The following PKIG variants were observed in gnomAD, a reference collection of about 807,000 sequenced individuals.
PKIG encodes the protein protein kinase (cAMP-dependent, catalytic) inhibitor gamma.
Under a neutral mutation model 6.8 loss-of-function variants are expected in PKIG, and 1 was observed. That is an observed-to-expected ratio of 0.15 (90% CI 0.05 to 0.69). The LOEUF is 0.69. Among genes scored for constraint, PKIG ranks in the 30% least tolerant of loss-of-function variants. The pLI is 0.82. For missense variants in PKIG, 77 were observed against 104.0 expected, an observed-to-expected ratio of 0.74 and a Z score of 1.13; for synonymous variants, 39 against 43.0, an observed-to-expected ratio of 0.91 and a Z score of 0.36.
At chr20:44,601,905 G>A (rs2065124268) in intron 2 of PKIG, among the ~76,000 whole-genome samples, 2 of 152,236 alleles carry the variant, frequency 1.3e-5, no homozygotes, top group Non-Finnish European at 2.9e-5. Context: ...TCTTGGCAGA[G>A]CCTGGGGCCT....
At chr20:44,578,324 A>G (rs2064917650), upstream of PKIG, among the ~76,000 whole-genome samples, 1 of 135,678 alleles carries the variant, frequency 7.4e-6, no homozygotes, top group African/African-American at 3.0e-5. Context: ...CTGAGACTCC[A>G]TCTCAAAAAA....
chr20:44,560,451 T>G (rs767622539), intron 1 of PKIG, among the ~76,000 whole-genome samples: 1 of 152,200 alleles, frequency 6.6e-6, no homozygotes, highest in Non-Finnish European at 1.5e-5. Context: ...TCCAAGTTTC[T>G]GAGGTATAGA....
At chr20:44,539,397 C>G (rs1381771055) in intron 1 of PKIG, among the ~76,000 whole-genome samples, 1 of 151,764 alleles carries the variant, frequency 6.6e-6, no homozygotes, top group Admixed American at 6.6e-5. Flanking sequence ...TGAGGCCCAA[C>G]ACAAATTTGT....
At chr20:44,574,562 TTTTTTGTTTTTG>T (rs60335742) in intron 1 of PKIG, among the ~76,000 whole-genome samples, 10,593 of 151,492 alleles carry the variant, frequency 0.07, 403 homozygotes, top group South Asian at 0.15. Context: ...TCAGCATGTT[TTTTTTGTTTTTG>T]TTTTTGTTTT....
intron 1 of PKIG, among the ~76,000 whole-genome samples, chr20:44,569,156 C>T (rs988591417): frequency 3.9e-5 from 6 of 152,134 alleles, no homozygotes; most frequent in East Asian, 3.8e-4. Context: ...AATGTTGTAC[C>T]GTTTTCCATT....
intron 2 of PKIG, among the ~76,000 whole-genome samples, chr20:44,605,406 CAAAAAAAAAAA>C (rs34277645): frequency 8.0e-5 from 3 of 37,332 alleles, no homozygotes; most frequent in African/African-American, 3.1e-4. Context: ...GACTCCGTCT[CAAAAAAAAAAA>C]AAAAAAAAAA....
At chr20:44,553,338 T>G (rs149703149) in intron 1 of PKIG, among the ~76,000 whole-genome samples, 4 of 152,288 alleles carry the variant, frequency 2.6e-5, no homozygotes, top group African/African-American at 9.6e-5. Flanking sequence ...CCACTTCTGT[T>G]GGCTGAGAGG....
chr20:44,562,619 AAG>A (rs1430296592), intron 1 of PKIG, among the ~76,000 whole-genome samples: 2 of 151,480 alleles, frequency 1.3e-5, no homozygotes, highest in South Asian at 2.1e-4. Context: ...AAAAAAAAAA[AAG>A]AGTGCTTAAA....
chr20:44,578,811 C>T (rs2064922724), upstream of PKIG, among the ~76,000 whole-genome samples: 1 of 152,148 alleles, frequency 6.6e-6, no homozygotes, highest in Non-Finnish European at 1.5e-5. Flanking sequence ...ATGTGTCAAG[C>T]AGGGATAATA....
intron 1 of PKIG, among the ~76,000 whole-genome samples, chr20:44,575,633 C>T (rs1226412664): frequency 1.3e-5 from 2 of 152,206 alleles, no homozygotes; most frequent in Non-Finnish European, 2.9e-5. Flanking sequence ...TGCTTTAGGG[C>T]ACATGAGCAG....
chr20:44,536,533 G>A (rs2064514055), intron 1 of PKIG, among the ~76,000 whole-genome samples: 2 of 152,196 alleles, frequency 1.3e-5, no homozygotes, highest in African/African-American at 4.8e-5. Context: ...AAGGGAGAGA[G>A]GAGTGGAAGA....
At chr20:44,609,565 C>T (rs933033865) in intron 2 of PKIG, among the ~76,000 whole-genome samples, 2 of 152,204 alleles carry the variant, frequency 1.3e-5, no homozygotes, top group Non-Finnish European at 2.9e-5. Flanking sequence ...TGAAATCCAG[C>T]GAGTGTGCAT....
chr20:44,588,954 T>C (rs1324711680), intron 1 of PKIG, among the ~76,000 whole-genome samples: 1 of 152,216 alleles, frequency 6.6e-6, no homozygotes. Context: ...AAAACAGAAA[T>C]AGATAATGTA....
chr20:44,553,506 A>G (rs1399026230), intron 1 of PKIG, among the ~76,000 whole-genome samples: 1 of 152,162 alleles, frequency 6.6e-6, no homozygotes, highest in Non-Finnish European at 1.5e-5. Flanking sequence ...TGGATTTCAG[A>G]TAACAGAGAG....
At chr20:44,605,362 GCAC>G (rs911973746) in intron 2 of PKIG, among the ~76,000 whole-genome samples, 18 of 134,902 alleles carry the variant, frequency 1.3e-4, no homozygotes, top group Non-Finnish European at 2.7e-4. Flanking sequence ...AGTCCAGATT[GCAC>G]CACTGCACTC....
chr20:44,582,302 C>G (rs185394044), upstream of PKIG, among the ~76,000 whole-genome samples: 1 of 152,276 alleles, frequency 6.6e-6, no homozygotes, highest in Admixed American at 6.5e-5. Context: ...CCCAGGAACC[C>G]TGGCTCAGTG....
intron 1 of PKIG, among the ~76,000 whole-genome samples, chr20:44,550,928 A>G (rs2064662068): frequency 6.6e-6 from 1 of 152,166 alleles, no homozygotes; most frequent in Non-Finnish European, 1.5e-5. Flanking sequence ...TGTATCAAAA[A>G]CCTAGCCCAA....
At chr20:44,607,685 A>ATTT (rs146383327) in intron 2 of PKIG, among the ~76,000 whole-genome samples, 2 of 120,722 alleles carry the variant, frequency 1.7e-5, no homozygotes, top group Non-Finnish European at 3.5e-5. Context: ...TGGAAAATAA[A>ATTT]TTTTTTTTTT....
intron 2 of PKIG, among the ~76,000 whole-genome samples, chr20:44,611,626 C>T (rs978496306): frequency 2.1e-4 from 32 of 151,754 alleles, no homozygotes; most frequent in African/African-American, 6.8e-4. Context: ...ACGCCATTCT[C>T]CTGCCTCAGC....
Sources: gnomAD v4.1 joint callset for allele counts (sites outside exome capture counted in the v4.1 genomes callset) on GRCh38, gnomAD v4.1.1 for gene constraint, MANE v1.5 for transcripts, NCBI Gene and HGNC (gene_info 2026-07-23, HGNC 2026-07-21) for gene names.